C1orf167: variants seen among roughly 807,000 people sequenced by gnomAD.
C1orf167 encodes uncharacterized protein C1orf167.
Under a neutral mutation model 176.5 loss-of-function variants are expected in C1orf167, and 153 were observed. The ratio of observed to expected loss-of-function variants is 0.87; its 90% CI spans 0.76 to 0.99. The LOEUF (loss-of-function observed/expected upper bound fraction) is 0.99. Ranked by LOEUF, C1orf167 falls within the 50% of genes least tolerant of loss-of-function variation. The pLI is 0.00. For synonymous variants in C1orf167, 594 were observed against 752.7 expected (o/e 0.79, Z 3.45); for missense variants, 1,490 against 1,817.7 (o/e 0.82, Z 3.28).
In C1orf167 at chr1:11,788,041, G is replaced by A. The variant is rs1157444821; in HGVS notation, c.3842G>A (p.Arg1281Lys). The change falls in exon 18 of 21, where the codon AGG becomes AAG. Residue 1281 changes from arginine (R) to lysine (K), a missense_variant. Physicochemically the swap from Arg to Lys is conservative, Grantham distance 26 (BLOSUM62 2). Coordinates refer to ENST00000688073, the MANE Select transcript of C1orf167 (RefSeq NM_001010881.2). ...CKAQSKAHKRRLRARSCRILE... is the reference protein window; with the variant it reads ...CKAQSKAHKRKLRARSCRILE... ...GCCCAAAGCAAGGCCCATAAACGGA[G>A]GCTACGGTAAGAGGAGCTGTGTGTG... is the stretch of plus-strand genomic sequence containing the variant. The A allele has an allele frequency of 4.6e-6, 6 of 1,296,286 alleles. No homozygotes were observed. Among genetic ancestry groups the A allele is most frequent in the South Asian group, 3.7e-5 (3 of 80,144 alleles). 80.3% of individuals were successfully genotyped at this position (1,296,286 alleles called of 1,614,324 possible).
chr1:11,769,162 T>C (rs941545498), intron 6 of C1orf167, 35 bp downstream of exon 6: 1 of 985,700 alleles, frequency 1.0e-6, no homozygotes, highest in African/African-American at 1.7e-5. Flanking sequence ...CGGTGGCCTT[T>C]CTTCCCCAAC....
chr1:11,787,277 G>A (rs190086595), intron 16 of C1orf167, 111 bp from the exon 17 acceptor site: 1 of 446,400 alleles, frequency 2.2e-6, no homozygotes. Context: ...GGGAATGGGT[G>A]GAAGAGGCCG....
chr1:11,783,027 GAA>G (rs1379866612), intron 14 of C1orf167, among the ~76,000 whole-genome samples: 1 of 152,008 alleles, frequency 6.6e-6, no homozygotes, highest in Non-Finnish European at 1.5e-5. Flanking sequence ...GTCGCTAAGA[GAA>G]GAGAGTGAAA....
chr1:11,789,252 TCTC>T lies in C1orf167; in HGVS notation c.4174-13_4174-11del, dbSNP rs1463158507. The T allele has an allele frequency of 1.5e-6, 2 of 1,302,542 alleles. No homozygotes were observed. Among genetic ancestry groups the T allele is most frequent in the Non-Finnish European group, 2.0e-6 (2 of 988,522 alleles). 80.7% of individuals were successfully genotyped at this position (1,302,542 alleles called of 1,614,324 possible). On this transcript the variant is annotated splice_polypyrimidine_tract_variant and intron_variant, in intron 20 of 20. Coordinates refer to ENST00000688073, the MANE Select transcript of C1orf167 (RefSeq NM_001010881.2). ...GAAAGCCCACAACAATAGCATTTCC[TCTC>T]CTCCCTGGTTCCAGGCCTTTAAGAA...
At chr1:11,765,578 G>A (rs548677548) in intron 2 of C1orf167, among the ~76,000 whole-genome samples, 2 of 83,396 alleles carry the variant, frequency 2.4e-5, no homozygotes, top group East Asian at 4.5e-4. Flanking sequence ...CTGCTACCCC[G>A]ATCCCACCAC....
intron 8 of C1orf167, among the ~76,000 whole-genome samples, chr1:11,774,895 C>G (rs1292480415): frequency 1.3e-5 from 2 of 152,158 alleles, no homozygotes; most frequent in Admixed American, 1.3e-4. Flanking sequence ...AGGTCAGAGG[C>G]TGCTGAGGCC....
Position 11,777,645 on chromosome 1 carries a change from C to CAA in C1orf167, c.2340-1002_2340-1001dup, listed in dbSNP as rs56270825. On this transcript the variant is annotated intron_variant, in intron 10 of 20. Transcript: ENST00000688073. ...TGGACAACAGAGCGAGAATCCATCT[C>CAA]AAAAAAAAAAAAAAGGAATTCTGTC... 7.0e-3 allele frequency: 1,030 copies of CAA among 147,294 alleles called. 11 individuals carry two copies. Among genetic ancestry groups the CAA allele is most frequent in the African/African-American group, 0.018 (708 of 39,458 alleles). 9.1% of individuals were successfully genotyped at this position (147,294 alleles called of 1,614,324 possible).
chr1:11,787,739 TG>T, intron 17 of C1orf167, 133 bp from the exon 18 acceptor site: 1 of 1,141,974 alleles, frequency 8.8e-7, no homozygotes, highest in Non-Finnish European at 1.1e-6. Flanking sequence ...CCTGGGGAGA[TG>T]GGGGCAGGGC....
chr1:11,772,288 T>A (rs1467014985), intron 8 of C1orf167, 29 bp downstream of exon 8: 18 of 1,291,310 alleles, frequency 1.4e-5, no homozygotes, highest in Non-Finnish European at 1.7e-5. Flanking sequence ...TTTTTTGAGA[T>A]GAGGTCTCAC....
chr1:11,771,973 G>C (rs1643101623), intron 7 of C1orf167, 109 bp from the exon 8 acceptor site: 1 of 821,170 alleles, frequency 1.2e-6, no homozygotes, highest in Admixed American at 3.6e-5. Context: ...CTTACTCAGA[G>C]ATGGGGGGTG....
At chr1:11,765,562 A>C (rs1642749836) in intron 2 of C1orf167, among the ~76,000 whole-genome samples, 1 of 109,818 alleles carries the variant, frequency 9.1e-6, no homozygotes, top group African/African-American at 3.3e-5. Flanking sequence ...TCTTCTCTTT[A>C]CCCACCTGCT....
Position 11,784,551 on chromosome 1 carries a change from G to A in C1orf167, c.3383G>A (p.Gly1128Asp), listed in dbSNP as rs757063271. The change falls in exon 15 of 21, where the codon GGC becomes GAC. Residue 1128 changes from glycine to aspartate, a missense_variant. Physicochemically the swap from Gly to Asp is moderately conservative, Grantham distance 94. Transcript: ENST00000688073. ...CTGTGGGTGCATGAGTCCTGTCGGG[G>A]CCAGGTCAGCCGAGCCCATGCTTCC... ...WALWVHESCR[G>D]QVSRAHASWK... 4.7e-6 allele frequency: 6 copies of A among 1,284,480 alleles called. No homozygotes were observed. The highest frequency in any genetic ancestry group is 1.5e-5 in the African/African-American group (1 of 65,240). 79.6% of individuals were successfully genotyped at this position (1,284,480 alleles called of 1,614,324 possible).
chr1:11,764,271 T>C, intron 1 of C1orf167, 60 bp from the exon 2 acceptor site: 1 of 619,462 alleles, frequency 1.6e-6, no homozygotes, highest in Non-Finnish European at 2.6e-6. Context: ...AGGGAGGAGG[T>C]AGGGATCAGA....
At chr1:11,780,096 C>A in intron 13 of C1orf167, 86 bp downstream of exon 13, 1 of 1,051,824 alleles carries the variant, frequency 9.5e-7, no homozygotes, top group Non-Finnish European at 1.2e-6. Context: ...TGGCCAACAA[C>A]TTGACTGTAA....
In C1orf167 at chr1:11,785,146, A is replaced by G; in HGVS notation, c.3426-2A>G. 1 of 1,284,728 alleles carries G rather than the reference A, an allele frequency of 7.8e-7. No individual in the cohort carries two copies. The highest frequency in any genetic ancestry group is 1.2e-5 in the South Asian group (1 of 80,770). The allele number at this position is 1,284,728 out of a possible 1,614,324, so 79.6% of individuals were successfully genotyped here. A position where few individuals can be genotyped will look rare whatever the true frequency, so the allele number is the denominator to read the frequency against. On this transcript the variant is annotated splice_acceptor_variant, in intron 15 of 20. Transcript: ENST00000688073. LOFTEE classifies it high-confidence loss of function. ...GGCTGCAGACTCCTTCCTCTCCCGC[A>G]GGGTCCTAGAGGCCTCGGTGCAGTC... is the stretch of plus-strand genomic sequence containing the variant.
At chr1:11,785,729 T>G (rs76404992) in intron 16 of C1orf167, 3 of 152,894 alleles carry the variant, frequency 2.0e-5, no homozygotes, top group African/African-American at 7.2e-5. Context: ...AGCATTTTTT[T>G]GTCAAGTTTT....
Position 11,766,286 on chromosome 1 carries a change from G to A in C1orf167, c.500G>A (p.Arg167Lys). Reference protein sequence around the residue: ...EPLARPSSCLRQSGLPAPGTP... With the variant: ...EPLARPSSCLKQSGLPAPGTP... ...CTGGCTCGCCCATCTTCCTGCCTGA[G>A]GCAGTCCGGGCTGCCGGCCCCAGGC... The change falls in exon 3 of 21, where the codon AGG becomes AAG. Residue 167 changes from arginine (R) to lysine (K), a missense_variant. Transcript: ENST00000688073. The surrounding 1 kb of genome is among the most constrained non-coding windows in gnomAD (Gnocchi z 4.5). 2 of 1,289,648 alleles carry A rather than the reference G, an allele frequency of 1.6e-6. No individual in the cohort carries two copies. Among genetic ancestry groups the A allele is most frequent in the Non-Finnish European group, 2.0e-6 (2 of 988,798 alleles). 79.9% of individuals were successfully genotyped at this position (1,289,648 alleles called of 1,614,324 possible).
chr1:11,769,125 C>G lies in C1orf167; in HGVS notation c.1695C>G (p.Thr565=). The change falls in exon 6 of 21, where the codon ACC becomes ACG. Residue 565 remains threonine, a splice_region_variant and synonymous_variant. Transcript: ENST00000688073. ...CCCAGAGAAGCAGGCTGGAACACAC[C>G]AGGTTGGTCAGTGTTGCCTGGGAAG... ...DPAQRSRLEH[T]SPGSLREEEI... is the part of the protein sequence containing the mutation. The G allele has an allele frequency of 1.0e-6, 1 of 985,930 alleles. No individual in the cohort carries two copies. The highest frequency in any genetic ancestry group is 1.2e-6 in the Non-Finnish European group (1 of 829,984). The allele number at this position is 985,930 out of a possible 1,614,324, so 61.1% of individuals were successfully genotyped here. A position where few individuals can be genotyped will look rare whatever the true frequency, so the allele number is the denominator to read the frequency against.
Position 11,785,387 on chromosome 1 carries a change from A to C in C1orf167, c.3567+98A>C, listed in dbSNP as rs564957831. 5.9e-5 allele frequency: 68 copies of C among 1,153,072 alleles called. No homozygotes were observed. In the South Asian group the frequency reaches 9.7e-4, roughly 16 times the overall value. 71.4% of individuals were successfully genotyped at this position (1,153,072 alleles called of 1,614,324 possible). ...GCCCCAGCCCCTTGGAAACAGGTGA[A>C]GGGAGCCTAGGCAGGGCGGGAGGTC... On this transcript the variant is annotated intron_variant, in intron 16 of 20. Transcript: ENST00000688073.
Sources: allele counts gnomAD v4.1 joint callset (sites outside exome capture counted in the v4.1 genomes callset), GRCh38; gene constraint gnomAD v4.1.1; non-coding constraint Gnocchi (gnomAD v3.1); transcripts MANE v1.5; gene names NCBI Gene and HGNC (gene_info 2026-07-23, HGNC 2026-07-21).